GLG1: variants seen among roughly 807,000 people sequenced by gnomAD.
The protein encoded by GLG1 is Golgi apparatus protein 1.
GLG1 carries 38 observed loss-of-function variants against 160.5 expected under a neutral mutation model. The observed-to-expected ratio is 0.24, with a 90% CI of 0.18 to 0.31. The LOEUF is 0.31. Among genes scored for constraint, GLG1 ranks in the 10% least tolerant of loss-of-function variants. GLG1 has a pLI of 1.00. For missense variants in GLG1, 1,373 were observed against 1,505.2 expected (o/e 0.91, Z 1.45); for synonymous variants, 644 against 543.4 (o/e 1.19, Z -2.57).
At chr16:74,480,726 T>C (rs2015568751) in intron 10 of GLG1, among the ~76,000 whole-genome samples, 1 of 151,982 alleles carries the variant, frequency 6.6e-6, no homozygotes, top group South Asian at 2.1e-4. Context: ...TCTTTTTTGA[T>C]ATTTTTGGTA....
chr16:74,506,578 T>A (rs537052378), intron 3 of GLG1, among the ~76,000 whole-genome samples: 5 of 920 alleles, frequency 5.4e-3, no homozygotes, highest in African/African-American at 6.8e-3. Flanking sequence ...CAAGACTCCG[T>A]CTCAAAAAAA....
intron 10 of GLG1, among the ~76,000 whole-genome samples, 198 bp downstream of exon 10, chr16:74,482,825 G>T (rs998434208): frequency 6.6e-6 from 1 of 152,168 alleles, no homozygotes; most frequent in African/African-American, 2.4e-5. Flanking sequence ...GGTACAGGCT[G>T]GTAGTGGGCT....
At chr16:74,567,229 G>A (rs932199409) in intron 1 of GLG1, among the ~76,000 whole-genome samples, 2 of 151,426 alleles carry the variant, frequency 1.3e-5, no homozygotes, top group African/African-American at 4.8e-5. Flanking sequence ...GAGAGAGAGA[G>A]ACAGACAGAG....
chr16:74,488,232 G>C (rs531423205), intron 8 of GLG1, among the ~76,000 whole-genome samples: 3 of 151,998 alleles, frequency 2.0e-5, no homozygotes, highest in East Asian at 3.9e-4. Context: ...GTATTAGGAA[G>C]AAAAATTTGA....
intron 2 of GLG1, among the ~76,000 whole-genome samples, chr16:74,517,700 G>A (rs1309709775): frequency 6.6e-6 from 1 of 152,082 alleles, no homozygotes; most frequent in Non-Finnish European, 1.5e-5. Context: ...TTCAGGCCAG[G>A]GCAATCAGGC....
At chr16:74,535,823 G>A (rs1355096852) in intron 1 of GLG1, among the ~76,000 whole-genome samples, 2 of 152,150 alleles carry the variant, frequency 1.3e-5, no homozygotes, top group African/African-American at 4.8e-5. Flanking sequence ...AGGTCTTTGA[G>A]ATTCATGGAA....
chr16:74,536,270 T>C (rs929146858), intron 1 of GLG1, among the ~76,000 whole-genome samples: 7 of 152,178 alleles, frequency 4.6e-5, no homozygotes, highest in African/African-American at 9.7e-5. Context: ...TCTCTAATCC[T>C]AGAAGATGAA....
At position 74,457,989 on chromosome 16, in the gene GLG1, C is replaced by T; in HGVS notation, c.3150G>A (p.Val1050=). 1.2e-6 allele frequency: 2 copies of T among 1,613,770 alleles called. No homozygotes were observed. Among genetic ancestry groups the T allele is most frequent in the Non-Finnish European group, 1.7e-6 (2 of 1,179,700 alleles). Residue 1050 remains valine, a synonymous_variant, in exon 24 of 26, where the codon GTG becomes GTA. Coordinates refer to ENST00000422840, the MANE Select transcript of GLG1 (RefSeq NM_001145667.2). ...CTTTGCTTTCCTTCAGCATGTTTAG[C>T]ACTTCCTGGAAAGGGAGGGTCATTG... ...KIKTELCKKE[V]LNMLKESKAD...
At chr16:74,458,452 G>A (rs926014937) in intron 23 of GLG1, among the ~76,000 whole-genome samples, 4 of 152,246 alleles carry the variant, frequency 2.6e-5, no homozygotes, top group African/African-American at 9.6e-5. Flanking sequence ...CACTTTGGGA[G>A]GCCGAGGTAG....
intron 18 of GLG1, among the ~76,000 whole-genome samples, chr16:74,466,791 T>C (rs1353714659): frequency 6.6e-6 from 1 of 152,062 alleles, no homozygotes. Flanking sequence ...AGCTGAAGAA[T>C]AAATTATATG....
At chr16:74,567,162 T>C (rs2018675623) in intron 1 of GLG1, among the ~76,000 whole-genome samples, 2 of 151,182 alleles carry the variant, frequency 1.3e-5, no homozygotes, top group Non-Finnish European at 3.0e-5. Flanking sequence ...CATGTAATTG[T>C]GTGTGTGTGT....
intron 4 of GLG1, among the ~76,000 whole-genome samples, chr16:74,500,938 T>G (rs2016382429): frequency 6.6e-6 from 1 of 152,210 alleles, no homozygotes; most frequent in Non-Finnish European, 1.5e-5. Context: ...TTTGAAATCA[T>G]GACATTTATG....
At chr16:74,542,716 G>GGAAGGGAGGGAGGGAGGAAGGAAGGAA (rs752290157) in intron 1 of GLG1, among the ~76,000 whole-genome samples, 1 of 29,784 alleles carries the variant, frequency 3.4e-5, no homozygotes, top group Non-Finnish European at 6.3e-5. Flanking sequence ...AAGGGAAGAA[G>GGAAGGGAGGGAGGGAGGAAGGAAGGAA]GGAAGGAAGG....
At chr16:74,470,901 G>C (rs950464365) in intron 15 of GLG1, among the ~76,000 whole-genome samples, 1 of 152,110 alleles carries the variant, frequency 6.6e-6, no homozygotes, top group Non-Finnish European at 1.5e-5. Context: ...GGGATTACAG[G>C]TGTGTGCCAC....
At chr16:74,563,670 G>A (rs952880736) in intron 1 of GLG1, among the ~76,000 whole-genome samples, 2 of 126,174 alleles carry the variant, frequency 1.6e-5, no homozygotes, top group African/African-American at 3.2e-5. Context: ...GAGGTTGCAG[G>A]GAGCCGAGAT....
In GLG1 at chr16:74,511,927, C is replaced by CT. The variant is rs1315059849; in HGVS notation, c.472-3003dup. 3.0e-4 allele frequency among the ~76,000 whole-genome samples: 46 copies of CT among 151,814 alleles called. No individual in the cohort carries two copies. In the South Asian group the frequency reaches 9.2e-3, roughly 30 times the overall value. On this transcript the variant is annotated intron_variant, in intron 2 of 25. Transcript: ENST00000422840. Reference sequence around the variant, plus strand: ...TGCTAAACATTTTACTGTATCTCATCTTTTTTTTGTTCATTTCAAATTGAT... The same window carrying CT: ...TGCTAAACATTTTACTGTATCTCATCTTTTTTTTTGTTCATTTCAAATTGAT...
chr16:74,551,489 T>A (rs1384779716), intron 1 of GLG1, among the ~76,000 whole-genome samples: 9 of 145,190 alleles, frequency 6.2e-5, no homozygotes, highest in South Asian at 2.2e-4. Context: ...TTTTTTTTTT[T>A]AATTTTTAGT....
At chr16:74,459,868 T>TTA in intron 22 of GLG1, 79 bp from the exon 23 acceptor site, 1 of 718,880 alleles carries the variant, frequency 1.4e-6, no homozygotes, top group Non-Finnish European at 2.3e-6. Flanking sequence ...TTTTTTTTTA[T>TTA]TTTTTGAAAC....
intron 1 of GLG1, among the ~76,000 whole-genome samples, chr16:74,596,229 G>GA (rs200954125): frequency 0.011 from 1,636 of 150,658 alleles, 18 homozygotes; most frequent in Non-Finnish European, 0.02. Flanking sequence ...CTCAAAAAAA[G>GA]AAAAAAAATT....
Sources: allele counts gnomAD v4.1 joint callset (sites outside exome capture counted in the v4.1 genomes callset), GRCh38; gene constraint gnomAD v4.1.1; transcripts MANE v1.5; gene names NCBI Gene and HGNC (gene_info 2026-07-23, HGNC 2026-07-21).